GRAMD2A: variants seen among roughly 807,000 people sequenced by gnomAD.
GRAMD2A encodes the protein GRAM domain-containing protein 2A.
In GRAMD2A, 37 loss-of-function variants were observed where a neutral mutation model predicts 51.1. That is an observed-to-expected ratio of 0.72 (90% confidence interval 0.56 to 0.95). The LOEUF is 0.95. Among genes scored for constraint, GRAMD2A ranks in the 40% least tolerant of loss-of-function variants. GRAMD2A has a pLI of 0.00. For synonymous variants in GRAMD2A, 136 were observed against 157.1 expected (o/e 0.87, Z 1.01); for missense variants, 414 against 426.9 (o/e 0.97, Z 0.27).
rs2081582321 is a variant in GRAMD2A at position 72,169,211 on chromosome 15, A to G, written c.135-215T>C. On this transcript the variant is annotated intron_variant, in intron 2 of 11. Transcript: ENST00000309731. ...GGGGAGGGCACTGCGGGAGGTAGAG[A>G]GGGGTCGCCAAGGGCCCACCTTCCC... 8.5e-6 allele frequency: 5 copies of G among 588,966 alleles called. No homozygotes were observed. In the Admixed American group the frequency reaches 1.4e-4, roughly 17 times the overall value. 36.5% of individuals were successfully genotyped at this position (588,966 alleles called of 1,614,324 possible).
At chr15:72,180,970 G>A (rs2140555681) in intron 1 of GRAMD2A, among the ~76,000 whole-genome samples, 1 of 152,332 alleles carries the variant, frequency 6.6e-6, no homozygotes, top group South Asian at 2.1e-4. Flanking sequence ...ACTCAACCAT[G>A]GAGGGCAAGG....
intron 1 of GRAMD2A, among the ~76,000 whole-genome samples, chr15:72,196,641 G>C (rs1333068573): frequency 3.3e-5 from 5 of 152,212 alleles, no homozygotes; most frequent in Admixed American, 1.3e-4. Flanking sequence ...CCAGACTTTA[G>C]AGCCGGCTAC....
At chr15:72,165,748 C>T (rs2081535834) in intron 7 of GRAMD2A, among the ~76,000 whole-genome samples, 2 of 152,296 alleles carry the variant, frequency 1.3e-5, no homozygotes, top group South Asian at 2.1e-4. Flanking sequence ...CGGTCCCTGA[C>T]CTACGATGGT....
intron 1 of GRAMD2A, among the ~76,000 whole-genome samples, chr15:72,196,485 C>T (rs1277043673): frequency 6.6e-6 from 1 of 151,708 alleles, no homozygotes; most frequent in Non-Finnish European, 1.5e-5. Context: ...CACGGCACTC[C>T]AGCCTGGGTG....
chr15:72,169,221 A>C (rs1361592859), intron 2 of GRAMD2A: 5 of 582,736 alleles, frequency 8.6e-6, no homozygotes, highest in Non-Finnish European at 3.1e-6. Context: ...AGGGGTCGCC[A>C]AGGGCCCACC....
intron 1 of GRAMD2A, among the ~76,000 whole-genome samples, chr15:72,180,364 C>T (rs1203818113): frequency 1.3e-5 from 2 of 152,230 alleles, no homozygotes; most frequent in African/African-American, 4.8e-5. Context: ...TGGCCATTTC[C>T]AGACAAAAAG....
intron 4 of GRAMD2A, 150 bp downstream of exon 4, chr15:72,168,341 A>G: frequency 1.5e-6 from 1 of 667,402 alleles, no homozygotes; most frequent in South Asian, 1.7e-5. Context: ...TCTTCTCACC[A>G]GCCCAGTCTT....
chr15:72,190,104 T>C (rs557163386), intron 1 of GRAMD2A, among the ~76,000 whole-genome samples: 29 of 152,208 alleles, frequency 1.9e-4, no homozygotes, highest in African/African-American at 3.6e-4. Context: ...TAGCTGGGCG[T>C]GGTGGCTCAC....
chr15:72,187,989 C>A (rs190971004), intron 1 of GRAMD2A, among the ~76,000 whole-genome samples: 30 of 152,186 alleles, frequency 2.0e-4, no homozygotes, highest in African/African-American at 6.7e-4. Flanking sequence ...CTGTAAATTC[C>A]ATTTCTAACA....
chr15:72,163,750 A>G lies in GRAMD2A; in HGVS notation c.608T>C (p.Leu203Pro). ...CTTTCTCCACTTCATCTCAGGGATG[A>G]GGACTTCCTGCAGTAAGACAGGAGA... is the stretch of plus-strand genomic sequence containing the variant. The part of the protein sequence containing the change: ...FSGEPESLEV[L>P]IPEMKWRKVC... Residue 203 changes from leucine (L) to proline (P), a missense_variant, in exon 9 of 12, where the codon CTC becomes CCC. By Grantham distance (98) the Leu-to-Pro change is moderately conservative. Transcript: ENST00000309731. 2.5e-6 allele frequency: 4 copies of G among 1,609,726 alleles called. No homozygotes were observed. In the South Asian group the frequency reaches 4.4e-5, roughly 18 times the overall value.
intron 5 of GRAMD2A, 55 bp from the exon 6 acceptor site, chr15:72,167,147 T>A: frequency 7.5e-7 from 1 of 1,340,440 alleles, no homozygotes; most frequent in Non-Finnish European, 1.1e-6. Flanking sequence ...CGTGGTCCCT[T>A]TGCTCCCTGC....
chr15:72,169,267 G>A, intron 2 of GRAMD2A: 1 of 537,902 alleles, frequency 1.9e-6, no homozygotes, highest in East Asian at 3.3e-5. Context: ...TCCTGGAGGT[G>A]CGCCTGGTCT....
At chr15:72,190,024 C>T (rs145127072) in intron 1 of GRAMD2A, among the ~76,000 whole-genome samples, 19 of 152,276 alleles carry the variant, frequency 1.2e-4, no homozygotes, top group African/African-American at 4.6e-4. Flanking sequence ...AAAATGTATG[C>T]CTATACATGA....
At chr15:72,168,468 A>G (rs766177625) in intron 4 of GRAMD2A, 23 bp downstream of exon 4, 4 of 1,597,142 alleles carry the variant, frequency 2.5e-6, no homozygotes. Flanking sequence ...GTGCCTAACC[A>G]GCTATACCGG....
At chr15:72,165,252 G>T (rs2081529261) in intron 8 of GRAMD2A, 102 bp downstream of exon 8, 2 of 1,013,368 alleles carry the variant, frequency 2.0e-6, no homozygotes, top group Non-Finnish European at 3.1e-6. Context: ...CTTGAGCCTG[G>T]TGCCCCAGTT....
At chr15:72,184,724 G>GGAAC (rs1424300326) in intron 1 of GRAMD2A, among the ~76,000 whole-genome samples, 1 of 152,206 alleles carries the variant, frequency 6.6e-6, no homozygotes, top group Non-Finnish European at 1.5e-5. Context: ...TCTAACTGCG[G>GGAAC]GAACGCTCCT....
At chr15:72,168,634 C>G in intron 3 of GRAMD2A, 68 bp from the exon 4 acceptor site, 1 of 1,353,726 alleles carries the variant, frequency 7.4e-7, no homozygotes, top group Non-Finnish European at 1.1e-6. Context: ...CCTGCTCCAG[C>G]CAACAGGAAA....
intron 1 of GRAMD2A, among the ~76,000 whole-genome samples, chr15:72,181,363 G>T (rs1186826629): frequency 2.0e-5 from 3 of 152,254 alleles, no homozygotes; most frequent in Non-Finnish European, 1.5e-5. Flanking sequence ...AAGTGGGGCA[G>T]GGGAGTGGAG....
chr15:72,164,143 GT>G (rs1455083298), intron 8 of GRAMD2A, among the ~76,000 whole-genome samples: 3 of 152,140 alleles, frequency 2.0e-5, no homozygotes, highest in African/African-American at 7.2e-5. Context: ...AGGACTTAGC[GT>G]CCCCATCTAC....
Sources: allele counts gnomAD v4.1 joint callset (sites outside exome capture counted in the v4.1 genomes callset), GRCh38; gene constraint gnomAD v4.1.1; transcripts MANE v1.5; gene names NCBI Gene and HGNC (gene_info 2026-07-23, HGNC 2026-07-21).